Variants in PTP4A1 observed in about 807,000 individuals in gnomAD.
The protein encoded by PTP4A1 is protein tyrosine phosphatase 4A1, also known as protein tyrosine phosphatase type IVA 1.
PTP4A1 carries 9 observed loss-of-function variants against 20.5 expected under a neutral mutation model. The observed-to-expected ratio is 0.44, with a 90% CI of 0.26 to 0.77. The LOEUF is 0.77. PTP4A1 is among the 30% of genes least tolerant of loss of function. PTP4A1 has a pLI of 0.19. For synonymous variants in PTP4A1, 78 were observed against 67.4 expected (o/e 1.16, Z -0.77); for missense variants, 137 against 218.8 (o/e 0.63, Z 2.36).
intron 2 of PTP4A1, among the ~76,000 whole-genome samples, chr6:63,538,895 A>T (rs1775833783): frequency 6.6e-6 from 1 of 151,864 alleles, no homozygotes. Context: ...TTATTTATTT[A>T]TTTATTTTTA....
chr6:63,516,445 C>G, the PTP4A1 span, among the ~76,000 whole-genome samples: 1 of 152,304 alleles, frequency 6.6e-6, no homozygotes, highest in East Asian at 1.9e-4. Context: ...ACGGTAGAAG[C>G]ACTTCAAAGT....
At chr6:63,516,680 G>A in the PTP4A1 span, among the ~76,000 whole-genome samples, 1 of 152,202 alleles carries the variant, frequency 6.6e-6, no homozygotes, top group South Asian at 2.1e-4. Context: ...ACACAGGTGA[G>A]TGGAAAAAAA....
rs114576954 is a variant in PTP4A1, at chr6:63,556,552, G to A, written c.-446+6059G>A. Among the ~76,000 whole-genome samples, 1,400 of 152,206 alleles carry A rather than the reference G, an allele frequency of 9.2e-3. 12 individuals are homozygous for A. The highest frequency in any genetic ancestry group is 0.038 in the South Asian group (184 of 4,822). On this transcript the variant is annotated intron_variant, in intron 3 of 3. Coordinates refer to the PTP4A1 transcript ENST00000639568. ...CCTTGTTAGGTATTTTTCTCAGGGC[G>A]TGGTTTCTGTATGCCTCATAATGCA...
At chr6:63,547,149 T>C (rs1404660104) in intron 2 of PTP4A1, among the ~76,000 whole-genome samples, 1 of 151,978 alleles carries the variant, frequency 6.6e-6, no homozygotes, top group African/African-American at 2.4e-5. Context: ...AGAGAATGCC[T>C]TTCAGGAGTT....
chr6:63,580,186 C>T lies in PTP4A1; in HGVS notation c.*12C>T. On this transcript the variant is annotated 3_prime_UTR_variant, in exon 6 of 6. Coordinates refer to ENST00000626021, the MANE Select transcript of PTP4A1 (RefSeq NM_003463.5). ...GTTGCATTCAATAAAATTGGGGTGC[C>T]TAATGCTACTGGAAGTGGAACTTGA... The T allele has an allele frequency of 6.4e-7, 1 of 1,571,926 alleles. No individual in the cohort carries two copies. Among genetic ancestry groups the T allele is most frequent in the Non-Finnish European group, 8.7e-7 (1 of 1,143,044 alleles).
intron 3 of PTP4A1, among the ~76,000 whole-genome samples, chr6:63,558,084 C>G (rs555286261): frequency 6.6e-6 from 1 of 152,092 alleles, no homozygotes; most frequent in African/African-American, 2.4e-5. Flanking sequence ...ATTGGCCAGG[C>G]TGGTCTCGAA....
intron 3 of PTP4A1, among the ~76,000 whole-genome samples, chr6:63,565,388 G>A (rs1030148172): frequency 6.6e-6 from 1 of 151,872 alleles, no homozygotes; most frequent in Non-Finnish European, 1.5e-5. Flanking sequence ...CATGAAAAAG[G>A]GACAGAGAAT....
chr6:63,527,654 A>G (rs1346783924), intron 1 of PTP4A1, among the ~76,000 whole-genome samples: 1 of 152,204 alleles, frequency 6.6e-6, no homozygotes, highest in Non-Finnish European at 1.5e-5. Flanking sequence ...AGACTCTGAG[A>G]ACTTAAGTAA....
chr6:63,526,706 G>A (rs1161925211), intron 1 of PTP4A1, among the ~76,000 whole-genome samples: 3 of 149,946 alleles, frequency 2.0e-5, no homozygotes, highest in Non-Finnish European at 4.4e-5. Flanking sequence ...TACTCCGGAG[G>A]CTGCATTTCT....
chr6:63,568,018 T>A (rs1396130312), upstream of PTP4A1, among the ~76,000 whole-genome samples: 1 of 152,246 alleles, frequency 6.6e-6, no homozygotes, highest in East Asian at 1.9e-4. Flanking sequence ...GTTAAGGCCT[T>A]GCTCTGAATT....
In PTP4A1 at chr6:63,548,989, A is replaced by C. The variant is rs1776318880; in HGVS notation, c.-639-1311A>C. 5.5e-6 allele frequency: 4 copies of C among 733,166 alleles called. No homozygotes were observed. The Admixed American group carries it at 5.7e-5, about 10-fold the overall frequency. The allele number at this position is 733,166 out of a possible 1,614,324, so 45.4% of individuals were successfully genotyped here. ...CAGTAAGGGACCCGCATTTTATGAC[A>C]CAGGGCAGGCAAGAAGACAACCAGC... On this transcript the variant is annotated intron_variant, in intron 2 of 3. Transcript: ENST00000639568.
rs1429838915 is a variant in PTP4A1 at position 63,578,881 on chromosome 6, A to C, written c.199-17A>C. The C allele has an allele frequency of 6.6e-7, 1 of 1,512,228 alleles. No homozygotes were observed. Among genetic ancestry groups the C allele is most frequent in the African/African-American group, 1.4e-5 (1 of 71,098 alleles). 93.7% of individuals were successfully genotyped at this position (1,512,228 alleles called of 1,614,324 possible). On this transcript the variant is annotated splice_polypyrimidine_tract_variant and intron_variant, in intron 3 of 5. Transcript: ENST00000626021. The stretch of plus-strand genomic sequence containing the variant: ...TATATTAATGATCTAAAATGTTTAA[A>C]TATTCTTCTGACTTAGGATTGGCCT...
At position 63,572,631 on chromosome 6, in the gene PTP4A1, C is replaced by T. The variant is rs556984320; in HGVS notation, c.-534C>T. 1.7e-3 allele frequency: 696 copies of T among 420,874 alleles called. 1 individual carries two copies. Among genetic ancestry groups the T allele is most frequent in the Non-Finnish European group, 1.9e-3 (462 of 244,300 alleles). The allele number at this position is 420,874 out of a possible 1,614,324, so 26.1% of individuals were successfully genotyped here. A position where few individuals can be genotyped will look rare whatever the true frequency, so the allele number is the denominator to read the frequency against. ...CGCCACGACCACCGCCGCCTCCTGC[C>T]CTGCAGCCACCGCCACCGCCTGTGT... On this transcript the variant is annotated 5_prime_UTR_variant, in exon 1 of 6. Transcript: ENST00000626021.
upstream of PTP4A1, chr6:63,571,907 C>T (rs1202594756): frequency 1.3e-5 from 2 of 152,154 alleles, no homozygotes; most frequent in East Asian, 1.9e-4. Context: ...AGCCTAAGGC[C>T]GTGGCATGCA....
chr6:63,549,242 G>T, intron 2 of PTP4A1: 1 of 740,268 alleles, frequency 1.4e-6, no homozygotes. Context: ...CAGCTGTTTG[G>T]TGGTCCAGGG....
rs1470795568 is a variant in PTP4A1 at position 63,581,900 on chromosome 6, AT to A, written c.*1727del. On this transcript the variant is annotated 3_prime_UTR_variant, in exon 6 of 6. Transcript: ENST00000626021. ...GTTAAGTTTCCTTTAATGATCCACA[AT>A]AATCCCTTTGATCACGTTAATCTAA... is the stretch of plus-strand genomic sequence containing the variant. The A allele has an allele frequency of 6.6e-6, 1 of 152,190 alleles. No individual in the cohort carries two copies. Among genetic ancestry groups the A allele is most frequent in the East Asian group, 1.9e-4 (1 of 5,206 alleles). The allele number at this position is 152,190 out of a possible 1,614,324, so 9.4% of individuals were successfully genotyped here.
intron 2 of PTP4A1, among the ~76,000 whole-genome samples, chr6:63,542,022 GGTGTGTGTGT>G (rs72091849): frequency 0.02 from 2,988 of 146,822 alleles, 61 homozygotes; most frequent in African/African-American, 0.054. Context: ...AAGAAACTGT[GGTGTGTGTGT>G]GTGTGTGTGT....
rs1562111525 is a variant in PTP4A1, at chr6:63,526,837, T to TATATATATA, written c.-905-982_-905-981insATATATATA. The stretch of plus-strand genomic sequence containing the variant: ...TATATATATATATATATATATATAT[T>TATATATATA]TATTTATTTATTCTTCTTAAGGGCT... On this transcript the variant is annotated intron_variant, in intron 1 of 3. Coordinates refer to the PTP4A1 transcript ENST00000639568. Among the ~76,000 whole-genome samples the TATATATATA allele has an allele frequency of 4.7e-3, 415 of 87,424 alleles. 2 individuals carry two copies. Among genetic ancestry groups the TATATATATA allele is most frequent in the African/African-American group, 0.017 (356 of 21,378 alleles). The allele number at this position is 87,424 out of a possible 152,430, so 57.4% of individuals were successfully genotyped here.
upstream of PTP4A1, among the ~76,000 whole-genome samples, chr6:63,517,143 A>C (rs1057325389): frequency 1.3e-5 from 2 of 152,206 alleles, no homozygotes; most frequent in Admixed American, 6.5e-5. Flanking sequence ...GCTTATTATT[A>C]CTATTATATT....
Sources: gnomAD v4.1 joint callset for allele counts (sites outside exome capture counted in the v4.1 genomes callset) on GRCh38, gnomAD v4.1.1 for gene constraint, MANE v1.5 for transcripts, NCBI Gene and HGNC (gene_info 2026-07-23, HGNC 2026-07-21) for gene names.